ASCL2: variants seen among roughly 807,000 people sequenced by gnomAD.
The protein encoded by ASCL2 is achaete-scute homolog 2.
A neutral mutation model predicts 5.1 loss-of-function variants in ASCL2; 6 were observed. The ratio of observed to expected loss-of-function variants is 1.17; its 90% CI spans 0.64 to 2.31. The LOEUF (loss-of-function observed/expected upper bound fraction) is 2.31, where lower values mean the gene tolerates loss of function less well. ASCL2 is among the 30% of genes most tolerant of loss of function. The pLI, the probability that ASCL2 is intolerant of heterozygous loss-of-function variation, is 0.00. For synonymous variants in ASCL2, 174 were observed against 157.3 expected (o/e 1.11, Z -0.80); for missense variants, 320 against 310.3 (o/e 1.03, Z -0.23).
chr11:2,270,307 G>A lies in ASCL2; in HGVS notation c.26C>T (p.Ser9Phe), dbSNP rs1847235293. 29 of 1,316,710 alleles carry A rather than the reference G, an allele frequency of 2.2e-5. No individual in the cohort carries two copies. Among genetic ancestry groups the A allele is most frequent in the Non-Finnish European group, 2.7e-5 (28 of 1,038,546 alleles). The allele number at this position is 1,316,710 out of a possible 1,614,324, so 81.6% of individuals were successfully genotyped here. ...AGGGACGGGGGGCGCAGGGGGCGCGGACCTGGGCAGTGTGCCGCCGTCCAT... is the reference window on the plus strand; with the variant it reads ...AGGGACGGGGGGCGCAGGGGGCGCGAACCTGGGCAGTGTGCCGCCGTCCAT... MDGGTLPR[S>F]APPAPPVPVG... is the part of the protein sequence containing the mutation. Residue 9 changes from serine to phenylalanine, a missense_variant, in exon 1 of 2, where the codon TCC becomes TTC. Ser to Phe is a radical substitution (Grantham distance 155). Coordinates refer to ENST00000331289, the MANE Select transcript of ASCL2 (RefSeq NM_005170.3).
intron 1 of ASCL2, 45 bp downstream of exon 1, chr11:2,269,688 A>AACC: frequency 2.5e-6 from 1 of 398,430 alleles, no homozygotes; most frequent in Non-Finnish European, 3.7e-6. Flanking sequence ...CCGTCCCTCC[A>AACC]CCCCGGCCCC....
rs1847235774 is a variant in ASCL2, at chr11:2,270,320, T to C, written c.13A>G (p.Thr5Ala). The C allele has an allele frequency of 7.7e-7, 1 of 1,296,458 alleles. No individual in the cohort carries two copies. Among genetic ancestry groups the C allele is most frequent in the East Asian group, 3.1e-5 (1 of 31,752 alleles). 80.3% of individuals were successfully genotyped at this position (1,296,458 alleles called of 1,614,324 possible). A position where few individuals can be genotyped will look rare whatever the true frequency, so the allele number is the denominator to read the frequency against. The stretch of plus-strand genomic sequence containing the variant: ...GCAGGGGGCGCGGACCTGGGCAGTG[T>C]GCCGCCGTCCATCGCGCCTGCATCC... MDGG[T>A]LPRSAPPAPP... The change falls in exon 1 of 2, where the codon ACA becomes GCA. Residue 5 changes from threonine (T) to alanine (A), a missense_variant. Transcript: ENST00000331289.
In ASCL2 at chr11:2,270,353, C is replaced by A; in HGVS notation, c.-21G>T. ...TCCATCGCGCCTGCATCCACCCGCC[C>A]GCTCCAGGTCCCGGCGCGCCGCAGG... On this transcript the variant is annotated 5_prime_UTR_variant, in exon 1 of 2. Coordinates refer to ENST00000331289, the MANE Select transcript of ASCL2 (RefSeq NM_005170.3). 5.5e-6 allele frequency: 7 copies of A among 1,270,540 alleles called. No individual in the cohort carries two copies. Among genetic ancestry groups the A allele is most frequent in the Non-Finnish European group, 5.9e-6 (6 of 1,010,322 alleles). 78.7% of individuals were successfully genotyped at this position (1,270,540 alleles called of 1,614,324 possible).
chr11:2,270,162 C>G lies in ASCL2; in HGVS notation c.171G>C (p.Glu57Asp). 1 of 1,520,286 alleles carries G rather than the reference C, an allele frequency of 6.6e-7. No homozygotes were observed. Among genetic ancestry groups the G allele is most frequent in the Non-Finnish European group, 8.8e-7 (1 of 1,141,842 alleles). The allele number at this position is 1,520,286 out of a possible 1,614,324, so 94.2% of individuals were successfully genotyped here. A position where few individuals can be genotyped will look rare whatever the true frequency, so the allele number is the denominator to read the frequency against. ...GGAAAVARRN[E>D]RERNRVKLVN... The stretch of plus-strand genomic sequence containing the variant: ...CCAGCTTCACGCGGTTGCGCTCGCG[C>G]TCATTGCGCCGCGCTACGGCCGCTG... Residue 57 changes from glutamate to aspartate, a missense_variant, in exon 1 of 2, where the codon GAG becomes GAC. Coordinates refer to ENST00000331289, the MANE Select transcript of ASCL2 (RefSeq NM_005170.3).
chr11:2,269,683 C>G, intron 1 of ASCL2, 50 bp downstream of exon 1: 5 of 1,109,316 alleles, frequency 4.5e-6, no homozygotes, highest in Non-Finnish European at 5.9e-6. Context: ...CCACCCCGTC[C>G]CTCCACCCCG....
chr11:2,269,796 C>T lies in ASCL2; in HGVS notation c.537G>A (p.Ala179=). The T allele has an allele frequency of 2.8e-6, 4 of 1,446,066 alleles. No individual in the cohort carries two copies. The highest frequency in any genetic ancestry group is 3.7e-6 in the Non-Finnish European group (4 of 1,093,412). The allele number at this position is 1,446,066 out of a possible 1,614,324, so 89.6% of individuals were successfully genotyped here. A position where few individuals can be genotyped will look rare whatever the true frequency, so the allele number is the denominator to read the frequency against. ...DSGCEGALSP[A]ERELLDFSSW... is the part of the protein sequence containing the mutation. Reference sequence around the variant, plus strand: ...TGGAGAAGTCGAGTAGCTCGCGCTCCGCAGGACTCAGCGCGCCTTCGCAGC... The same window carrying T: ...TGGAGAAGTCGAGTAGCTCGCGCTCTGCAGGACTCAGCGCGCCTTCGCAGC... Residue 179 remains alanine, a synonymous_variant, in exon 1 of 2, where the codon GCG becomes GCA. Transcript: ENST00000331289.
intron 1 of ASCL2, among the ~76,000 whole-genome samples, chr11:2,269,508 G>A (rs943134533): frequency 1.3e-5 from 2 of 152,208 alleles, no homozygotes; most frequent in Non-Finnish European, 2.9e-5. Flanking sequence ...CCTCGTCGGC[G>A]GCTGAGCCGC....
Position 2,270,434 on chromosome 11 carries a change from G to T in ASCL2, c.-102C>A. 8.0e-7 allele frequency: 1 copy of T among 1,252,214 alleles called. No individual in the cohort carries two copies. The allele number at this position is 1,252,214 out of a possible 1,614,324, so 77.6% of individuals were successfully genotyped here. ...GGGAAAACTGTGGCGCCCCAAGGGG[G>T]CTTCTGGCACGGCGCCGCCAGGCAA... On this transcript the variant is annotated 5_prime_UTR_variant, in exon 1 of 2. Coordinates refer to ENST00000331289, the MANE Select transcript of ASCL2 (RefSeq NM_005170.3).
chr11:2,269,895 A>G lies in ASCL2; in HGVS notation c.438T>C (p.Ala146=). ...TGCCCCCGCGGCCCGGGGACGAAGAAGCGCGGGAGGGCGAGGCGGCGACCG... is the reference window on the plus strand; with the variant it reads ...TGCCCCCGCGGCCCGGGGACGAAGAGGCGCGGGAGGGCGAGGCGGCGACCG... ...TTPVAASPSR[A]SSSPGRGGSS... The change falls in exon 1 of 2, where the codon GCT becomes GCC. Residue 146 remains alanine (A), a synonymous_variant. Transcript: ENST00000331289. 7.6e-7 allele frequency: 1 copy of G among 1,307,398 alleles called. No homozygotes were observed. Among genetic ancestry groups the G allele is most frequent in the Non-Finnish European group, 9.8e-7 (1 of 1,022,670 alleles). The allele number at this position is 1,307,398 out of a possible 1,614,324, so 81.0% of individuals were successfully genotyped here. A position where few individuals can be genotyped will look rare whatever the true frequency, so the allele number is the denominator to read the frequency against.
Position 2,270,288 on chromosome 11 carries a change from G to T in ASCL2, c.45C>A (p.Pro15=), listed in dbSNP as rs756555845. The T allele has an allele frequency of 8.7e-5, 116 of 1,339,144 alleles. 1 individual carries two copies. The highest frequency in any genetic ancestry group is 1.1e-4 in the Non-Finnish European group (114 of 1,052,964). 83.0% of individuals were successfully genotyped at this position (1,339,144 alleles called of 1,614,324 possible). A position where few individuals can be genotyped will look rare whatever the true frequency, so the allele number is the denominator to read the frequency against. The part of the protein sequence containing the change: ...TLPRSAPPAP[P]VPVGCAARRR... ...GCCGGGCAGCGCAGCCGACAGGGAC[G>T]GGGGGCGCAGGGGGCGCGGACCTGG... Residue 15 remains proline (P), a synonymous_variant, in exon 1 of 2, where the codon CCC becomes CCA. Coordinates refer to ENST00000331289, the MANE Select transcript of ASCL2 (RefSeq NM_005170.3).
intron 1 of ASCL2, 68 bp downstream of exon 1, chr11:2,269,665 G>C (rs936942796): frequency 1.4e-5 from 17 of 1,253,808 alleles, no homozygotes; most frequent in Non-Finnish European, 1.7e-5. Flanking sequence ...GCGACCCGCC[G>C]GGCCTGCCCA....
Position 2,269,439 on chromosome 11 carries a change from C to T in ASCL2, c.*18+294G>A, listed in dbSNP as rs190916997. Among the ~76,000 whole-genome samples, 610 of 152,246 alleles carry T rather than the reference C, an allele frequency of 4.0e-3. 7 individuals are homozygous for T. Among genetic ancestry groups the T allele is most frequent in the African/African-American group, 0.014 (593 of 41,570 alleles). The stretch of plus-strand genomic sequence containing the variant: ...CAGCACCCCAATCTGCCCCAGGATC[C>T]GCCAGCACTAGAGACCTCAACGGCC... On this transcript the variant is annotated intron_variant, in intron 1 of 1. Transcript: ENST00000331289.
rs1191293091 is a variant in ASCL2, at chr11:2,270,039, G to A, written c.294C>T (p.Tyr98=). Residue 98 remains tyrosine (Y), a synonymous_variant, in exon 1 of 2, where the codon TAC becomes TAT. Coordinates refer to ENST00000331289, the MANE Select transcript of ASCL2 (RefSeq NM_005170.3). The part of the protein sequence containing the change: ...KVETLRSAVE[Y]IRALQRLLAE... ...CCAGCAGGCGCTGCAGCGCGCGGAT[G>A]TACTCCACGGCTGAGCGCAGCGTCT... The A allele has an allele frequency of 1.4e-6, 2 of 1,450,488 alleles. No homozygotes were observed. Among genetic ancestry groups the A allele is most frequent in the South Asian group, 1.3e-5 (1 of 74,720 alleles). 89.9% of individuals were successfully genotyped at this position (1,450,488 alleles called of 1,614,324 possible).
chr11:2,270,033 G>C lies in ASCL2; in HGVS notation c.300C>G (p.Arg100=), dbSNP rs908504730. Residue 100 remains arginine, a synonymous_variant, in exon 1 of 2, where the codon CGC becomes CGG. Coordinates refer to ENST00000331289, the MANE Select transcript of ASCL2 (RefSeq NM_005170.3). The part of the protein sequence containing the change: ...ETLRSAVEYI[R]ALQRLLAEHD... ...GCTCGGCCAGCAGGCGCTGCAGCGC[G>C]CGGATGTACTCCACGGCTGAGCGCA... The C allele has an allele frequency of 4.2e-5, 60 of 1,425,742 alleles. No homozygotes were observed. The highest frequency in any genetic ancestry group is 5.1e-5 in the Non-Finnish European group (56 of 1,087,698). 88.3% of individuals were successfully genotyped at this position (1,425,742 alleles called of 1,614,324 possible).
Position 2,269,970 on chromosome 11 carries a change from C to T in ASCL2, c.363G>A (p.Arg121=), listed in dbSNP as rs1847229803. The T allele has an allele frequency of 7.6e-7, 1 of 1,313,264 alleles. No individual in the cohort carries two copies. Among genetic ancestry groups the T allele is most frequent in the Non-Finnish European group, 9.7e-7 (1 of 1,031,186 alleles). The allele number at this position is 1,313,264 out of a possible 1,614,324, so 81.4% of individuals were successfully genotyped here. The change falls in exon 1 of 2, where the codon AGG becomes AGA. Residue 121 remains arginine (R), a synonymous_variant. Coordinates refer to ENST00000331289, the MANE Select transcript of ASCL2 (RefSeq NM_005170.3). The part of the protein sequence containing the change: ...AVRNALAGGL[R]PQAVRPSAPR... ...GCGCAGACGGCCGCACGGCCTGCGGCCTCAGCCCTCCCGCCAGCGCGTTGC... is the reference window on the plus strand; with the variant it reads ...GCGCAGACGGCCGCACGGCCTGCGGTCTCAGCCCTCCCGCCAGCGCGTTGC...
Position 2,269,936 on chromosome 11 carries a change from G to A in ASCL2, c.397C>T (p.Pro133Ser). The change falls in exon 1 of 2, where the codon CCG (proline) becomes TCG (serine). Residue 133 changes from proline (P) to serine (S), a missense_variant. Physicochemically the swap from Pro to Ser is moderately conservative, Grantham distance 74. Coordinates refer to ENST00000331289, the MANE Select transcript of ASCL2 (RefSeq NM_005170.3). ...GCGGCGACCGGGGTGGTCCCTGGCG[G>A]CCCGCGGGGCGCAGACGGCCGCACG... is the stretch of plus-strand genomic sequence containing the variant. ...QAVRPSAPRGPPGTTPVAASP... is the reference protein window; with the variant it reads ...QAVRPSAPRGSPGTTPVAASP... The A allele has an allele frequency of 6.3e-6, 8 of 1,279,906 alleles. No homozygotes were observed. The highest frequency in any genetic ancestry group is 2.8e-5 in the South Asian group (1 of 36,312). 79.3% of individuals were successfully genotyped at this position (1,279,906 alleles called of 1,614,324 possible).
In ASCL2 at chr11:2,269,877, G is replaced by A. The variant is rs985679747; in HGVS notation, c.456C>T (p.Arg152=). ...SPSRASSSPG[R]GGSSEPGSPR... The stretch of plus-strand genomic sequence containing the variant: ...GGGAGCCGGGCTCCGAGCTGCCCCC[G>A]CGGCCCGGGGACGAAGAAGCGCGGG... The change falls in exon 1 of 2, where the codon CGC becomes CGT. Residue 152 remains arginine (R), a synonymous_variant. Transcript: ENST00000331289. The A allele has an allele frequency of 7.5e-6, 10 of 1,340,904 alleles. No individual in the cohort carries two copies. Among genetic ancestry groups the A allele is most frequent in the Admixed American group, 3.8e-5 (1 of 26,334 alleles). The allele number at this position is 1,340,904 out of a possible 1,614,324, so 83.1% of individuals were successfully genotyped here.
In ASCL2 at chr11:2,269,850, C is replaced by CG; in HGVS notation, c.482dup (p.Arg162AlafsTer39). 7.3e-7 allele frequency: 1 copy of CG among 1,377,420 alleles called. No homozygotes were observed. The highest frequency in any genetic ancestry group is 1.7e-5 in the South Asian group (1 of 58,598). 85.3% of individuals were successfully genotyped at this position (1,377,420 alleles called of 1,614,324 possible). A position where few individuals can be genotyped will look rare whatever the true frequency, so the allele number is the denominator to read the frequency against. On this transcript the variant is annotated frameshift_variant, in exon 1 of 2. Coordinates refer to ENST00000331289, the MANE Select transcript of ASCL2 (RefSeq NM_005170.3). LOFTEE classifies it low-confidence loss of function (END_TRUNC). ...TGTCGTCCGACGAGTAGGCGGAACG[C>CG]GGGGAGCCGGGCTCCGAGCTGCCCC...
At position 2,269,800 on chromosome 11, in the gene ASCL2, G is replaced by C; in HGVS notation, c.533C>G (p.Pro178Arg). Residue 178 changes from proline to arginine, a missense_variant, in exon 1 of 2, where the codon CCT becomes CGT. Coordinates refer to ENST00000331289, the MANE Select transcript of ASCL2 (RefSeq NM_005170.3). ...GAAGTCGAGTAGCTCGCGCTCCGCA[G>C]GACTCAGCGCGCCTTCGCAGCCGCT... The part of the protein sequence containing the change: ...DDSGCEGALS[P>R]AERELLDFSS... The C allele has an allele frequency of 6.9e-7, 1 of 1,444,224 alleles. No individual in the cohort carries two copies. The highest frequency in any genetic ancestry group is 9.2e-7 in the Non-Finnish European group (1 of 1,092,306). The allele number at this position is 1,444,224 out of a possible 1,614,324, so 89.5% of individuals were successfully genotyped here.
Sources: gnomAD v4.1 joint callset for allele counts (sites outside exome capture counted in the v4.1 genomes callset) on GRCh38, gnomAD v4.1.1 for gene constraint, MANE v1.5 for transcripts, NCBI Gene and HGNC (gene_info 2026-07-23, HGNC 2026-07-21) for gene names.